Variants in PLPPR1 observed in about 807,000 individuals in gnomAD.
PLPPR1 encodes the protein phospholipid phosphatase related 1.
A neutral mutation model predicts 33.1 loss-of-function variants in PLPPR1; 10 were observed. The observed-to-expected ratio is 0.30, with a 90% CI of 0.19 to 0.51. The LOEUF is 0.51. PLPPR1 is among the 20% of genes least tolerant of loss of function. The pLI is 0.97. For synonymous variants in PLPPR1, 151 were observed against 151.0 expected, an observed-to-expected ratio of 1.00 and a Z score of 0.00; for missense variants, 304 against 408.1, an observed-to-expected ratio of 0.74 and a Z score of 2.20.
At chr9:101,316,630 C>T (rs1265828005) in intron 6 of PLPPR1, among the ~76,000 whole-genome samples, 1 of 84,252 alleles carries the variant, frequency 1.2e-5, no homozygotes, top group African/African-American at 6.4e-5. Flanking sequence ...AAAAAAAAAG[C>T]AGGGAAGATG....
rs1034083280 is a variant in PLPPR1 at position 101,130,583 on chromosome 9, G to T, written c.-45-54867G>T. On this transcript the variant is annotated intron_variant, in intron 1 of 7. Transcript: ENST00000374874. ...TGTGAGACTGGCACAAATTTACTGA[G>T]AACTTTCTCAGTTTGATTTTAATTC... Among the ~76,000 whole-genome samples the T allele has an allele frequency of 2.0e-5, 3 of 152,148 alleles. 1 individual carries two copies.
chr9:101,155,545 A>C (rs1485668577), intron 1 of PLPPR1, among the ~76,000 whole-genome samples: 3 of 152,024 alleles, frequency 2.0e-5, no homozygotes, highest in Non-Finnish European at 2.9e-5. Flanking sequence ...TCACCTCTTA[A>C]AGGCCCTACC....
chr9:101,237,829 A>ATG lies in PLPPR1; in HGVS notation c.64-32050_64-32049insGT, dbSNP rs1199471733. ...TTCCATTGTGTGCATATATATATAT[A>ATG]TATATATGCTATATATGTGTGTGTG... On this transcript the variant is annotated intron_variant, in intron 2 of 7. Coordinates refer to ENST00000374874, the MANE Select transcript of PLPPR1 (RefSeq NM_207299.2). 2.9e-3 allele frequency among the ~76,000 whole-genome samples: 229 copies of ATG among 79,624 alleles called. 3 individuals carry two copies. Among genetic ancestry groups the ATG allele is most frequent in the African/African-American group, 0.013 (213 of 16,212 alleles). 52.2% of individuals were successfully genotyped at this position (79,624 alleles called of 152,430 possible).
At chr9:101,151,936 G>A (rs1211295830) in intron 1 of PLPPR1, among the ~76,000 whole-genome samples, 1 of 152,102 alleles carries the variant, frequency 6.6e-6, no homozygotes, top group Non-Finnish European at 1.5e-5. Context: ...CATAGAAAAT[G>A]AGATTGTCTA....
chr9:101,267,566 T>A (rs1828019899), intron 2 of PLPPR1, among the ~76,000 whole-genome samples: 2 of 152,174 alleles, frequency 1.3e-5, no homozygotes, highest in Non-Finnish European at 2.9e-5. Flanking sequence ...ACTAGAAGAA[T>A]GTAATCCATA....
At chr9:101,214,768 A>T (rs1382131807) in intron 2 of PLPPR1, among the ~76,000 whole-genome samples, 1 of 152,192 alleles carries the variant, frequency 6.6e-6, no homozygotes, top group Non-Finnish European at 1.5e-5. Flanking sequence ...CATGCCTGTA[A>T]TCCCAGCACT....
chr9:101,312,773 C>T, intron 5 of PLPPR1, 25 bp from the exon 6 acceptor site: 1 of 1,608,978 alleles, frequency 6.2e-7, no homozygotes, highest in East Asian at 2.2e-5. Context: ...TGCCTGGTCA[C>T]TCCCTGGCCT....
At chr9:101,169,399 A>G (rs1825906457) in intron 1 of PLPPR1, among the ~76,000 whole-genome samples, 1 of 152,188 alleles carries the variant, frequency 6.6e-6, no homozygotes, top group Non-Finnish European at 1.5e-5. Context: ...GAACAATTTT[A>G]AAAAGGAATT....
chr9:101,147,041 C>T (rs556699152), intron 1 of PLPPR1, among the ~76,000 whole-genome samples: 9 of 152,242 alleles, frequency 5.9e-5, no homozygotes, highest in Admixed American at 1.3e-4. Context: ...TACCTGATAA[C>T]GTTAAAACTA....
At chr9:101,238,475 T>C (rs1315504469) in intron 2 of PLPPR1, among the ~76,000 whole-genome samples, 1 of 150,724 alleles carries the variant, frequency 6.6e-6, no homozygotes, top group African/African-American at 2.4e-5. Context: ...AGAAAGTCTT[T>C]TAGCAACATA....
At chr9:101,180,143 T>TACACAC (rs369914371) in intron 1 of PLPPR1, among the ~76,000 whole-genome samples, 98 of 39,184 alleles carry the variant, frequency 2.5e-3, no homozygotes, top group Middle Eastern at 0.029. Context: ...TATATATATA[T>TACACAC]ACACACACAC....
intron 1 of PLPPR1, among the ~76,000 whole-genome samples, chr9:101,100,475 G>C (rs1362083180): frequency 2.0e-5 from 3 of 151,998 alleles, no homozygotes; most frequent in African/African-American, 4.8e-5. Flanking sequence ...GTCTGCCTTT[G>C]TATGAGTCTT....
intron 1 of PLPPR1, among the ~76,000 whole-genome samples, chr9:101,167,765 C>G (rs75721390): frequency 6.6e-6 from 1 of 152,162 alleles, no homozygotes; most frequent in African/African-American, 2.4e-5. Flanking sequence ...CTCCTCCCTG[C>G]TCATCTCAAA....
chr9:101,095,100 T>G (rs566350689), intron 1 of PLPPR1, among the ~76,000 whole-genome samples: 1 of 152,326 alleles, frequency 6.6e-6, no homozygotes, highest in East Asian at 1.9e-4. Flanking sequence ...TTCTCAGATC[T>G]TCAAATTGTC....
intron 2 of PLPPR1, among the ~76,000 whole-genome samples, chr9:101,233,742 T>G (rs1306576912): frequency 2.0e-5 from 3 of 151,944 alleles, no homozygotes; most frequent in Admixed American, 6.6e-5. Context: ...CTGTCCATTA[T>G]AAGTCTCAGG....
intron 4 of PLPPR1, among the ~76,000 whole-genome samples, chr9:101,307,556 A>G (rs989331538): frequency 1.3e-5 from 2 of 152,202 alleles, no homozygotes; most frequent in African/African-American, 4.8e-5. Flanking sequence ...CCCAATGAGT[A>G]TGAGCCAGCA....
At position 101,150,881 on chromosome 9, in the gene PLPPR1, G is replaced by T. The variant is rs1831575758; in HGVS notation, c.-45-34569G>T. 2.0e-5 allele frequency among the ~76,000 whole-genome samples: 3 copies of T among 151,662 alleles called. No individual in the cohort carries two copies. The South Asian group carries it at 6.3e-4, about 32-fold the overall frequency. ...AATGACATTTCAACATGCCTTTAAG[G>T]GCAGTGGCTCTCGTTCTCGGTGCAG... is the stretch of plus-strand genomic sequence containing the variant. On this transcript the variant is annotated intron_variant, in intron 1 of 7. Coordinates refer to ENST00000374874, the MANE Select transcript of PLPPR1 (RefSeq NM_207299.2).
intron 1 of PLPPR1, among the ~76,000 whole-genome samples, chr9:101,178,368 G>C (rs535751105): frequency 6.6e-6 from 1 of 152,186 alleles, no homozygotes; most frequent in African/African-American, 2.4e-5. Context: ...TGGGGTGGCA[G>C]GTTGATTATA....
intron 2 of PLPPR1, among the ~76,000 whole-genome samples, chr9:101,245,326 C>T (rs1293981608): frequency 9.2e-5 from 14 of 151,952 alleles, no homozygotes; most frequent in South Asian, 2.1e-4. Context: ...TGCAATATAA[C>T]GTGTGGTGAA....
Sources: gnomAD v4.1 joint callset for allele counts (sites outside exome capture counted in the v4.1 genomes callset) on GRCh38, gnomAD v4.1.1 for gene constraint, MANE v1.5 for transcripts, NCBI Gene and HGNC (gene_info 2026-07-23, HGNC 2026-07-21) for gene names.